ZNF541: variants seen among roughly 807,000 people sequenced by gnomAD.
ZNF541 encodes zinc finger protein 541.
ZNF541 carries 23 observed loss-of-function variants against 123.5 expected under a neutral mutation model. That is an observed-to-expected ratio of 0.19 (90% CI 0.13 to 0.26). The LOEUF is 0.26. Among genes scored for constraint, ZNF541 ranks in the 10% least tolerant of loss-of-function variants. ZNF541 has a pLI of 1.00. For missense variants in ZNF541, 1,612 were observed against 1,789.9 expected (o/e 0.90, Z 1.79); for synonymous variants, 751 against 754.5 (o/e 1.00, Z 0.08).
At chr19:47,527,718 A>T in intron 14 of ZNF541, among the ~76,000 whole-genome samples, 1 of 141,728 alleles carries the variant, frequency 7.1e-6, no homozygotes. Context: ...TCTTTTTTTG[A>T]GACGGAGTTT....
chr19:47,553,537 T>C (rs1295022725), intron 3 of ZNF541, among the ~76,000 whole-genome samples: 1 of 151,618 alleles, frequency 6.6e-6, no homozygotes. Context: ...GCCTCCCAAG[T>C]AGCTGGGATT....
chr19:47,530,412 G>A (rs937535126), intron 12 of ZNF541, among the ~76,000 whole-genome samples: 3 of 148,040 alleles, frequency 2.0e-5, no homozygotes, highest in East Asian at 2.0e-4. Flanking sequence ...TCGAACTCAC[G>A]ACCTCAGGTG....
At chr19:47,568,517 T>C (rs1414116120) in intron 2 of ZNF541, among the ~76,000 whole-genome samples, 1 of 152,054 alleles carries the variant, frequency 6.6e-6, no homozygotes, top group Non-Finnish European at 1.5e-5. Flanking sequence ...CTAATTTTTG[T>C]ATTTTTAATA....
chr19:47,531,738 C>A lies in ZNF541; in HGVS notation c.3309G>T (p.Glu1103Asp). The change falls in exon 12 of 17, where the codon GAG (glutamate) becomes GAT (aspartate). Residue 1103 changes from glutamate to aspartate, a missense_variant. This residue lies in a region of ZNF541 where 285 missense variants were observed against 407.3 expected (regional missense o/e 0.70). Coordinates refer to ENST00000391901, the MANE Select transcript of ZNF541 (RefSeq NM_001277075.3). ...ISSETQDRVT[E>D]LCNVACSSVM... ...CGCTGGAGCATGCCACATTGCAGAG[C>A]TCGGTCACTGTTTCCAAGAAGGACA... is the stretch of plus-strand genomic sequence containing the variant. 2 of 1,543,280 alleles carry A rather than the reference C, an allele frequency of 1.3e-6. No individual in the cohort carries two copies. The highest frequency in any genetic ancestry group is 1.8e-6 in the Non-Finnish European group (2 of 1,140,658).
rs149749184 is a variant in ZNF541, at chr19:47,567,073, A to T, written c.-99+4823T>A. Among the ~76,000 whole-genome samples, 1,078 of 151,824 alleles carry T rather than the reference A, an allele frequency of 7.1e-3. 18 individuals carry two copies. The highest frequency in any genetic ancestry group is 0.025 in the African/African-American group (1,031 of 41,454). On this transcript the variant is annotated intron_variant, in intron 2 of 16. Transcript: ENST00000391901. ...CTCAAAAATAAATAAATAAATAAAT[A>T]AAATAAAATAAATAATAGAAAAATA...
chr19:47,537,446 C>T (rs1308801512), intron 9 of ZNF541, among the ~76,000 whole-genome samples: 1 of 151,638 alleles, frequency 6.6e-6, no homozygotes, highest in African/African-American at 2.4e-5. Context: ...CGCCTGTAGT[C>T]CCAGCTACTT....
At chr19:47,560,144 C>A (rs368365455) in intron 2 of ZNF541, among the ~76,000 whole-genome samples, 1 of 152,042 alleles carries the variant, frequency 6.6e-6, no homozygotes, top group South Asian at 2.1e-4. Flanking sequence ...ACAGACAGGG[C>A]GTTTGTTGCA....
At chr19:47,529,905 G>A (rs1969484602) in intron 12 of ZNF541, among the ~76,000 whole-genome samples, 1 of 152,208 alleles carries the variant, frequency 6.6e-6, no homozygotes, top group Admixed American at 6.5e-5. Flanking sequence ...GAAGGAGACT[G>A]TGTGTGGATT....
intron 4 of ZNF541, 124 bp downstream of exon 4, chr19:47,549,121 C>A: frequency 7.4e-7 from 1 of 1,359,728 alleles, no homozygotes; most frequent in Non-Finnish European, 9.9e-7. Context: ...AGGTAATACA[C>A]GTCTGGAAAA....
chr19:47,532,822 A>G, intron 10 of ZNF541, 87 bp downstream of exon 10: 1 of 1,363,260 alleles, frequency 7.3e-7, no homozygotes, highest in Non-Finnish European at 1.0e-6. Context: ...CCTGAACCCC[A>G]CCATGGGAAG....
At chr19:47,527,509 C>A (rs138245373) in intron 14 of ZNF541, among the ~76,000 whole-genome samples, 2 of 151,390 alleles carry the variant, frequency 1.3e-5, no homozygotes, top group Admixed American at 6.6e-5. Flanking sequence ...AATCCTCCCA[C>A]CTCAGCCTCC....
At chr19:47,547,361 T>G (rs530654587) in intron 4 of ZNF541, among the ~76,000 whole-genome samples, 3 of 152,262 alleles carry the variant, frequency 2.0e-5, no homozygotes, top group Admixed American at 6.5e-5. Context: ...CAGAAATGCA[T>G]GTAAATATGT....
In ZNF541 at chr19:47,548,951, C is replaced by T. The variant is rs762331243; in HGVS notation, c.548+294G>A. Among the ~76,000 whole-genome samples, 179 of 151,734 alleles carry T rather than the reference C, an allele frequency of 1.2e-3. 2 individuals carry two copies. The highest frequency in any genetic ancestry group is 5.5e-3 in the Admixed American group (83 of 15,186). On this transcript the variant is annotated intron_variant, in intron 4 of 16. Coordinates refer to ENST00000391901, the MANE Select transcript of ZNF541 (RefSeq NM_001277075.3). ...AAAATTAGCTGGGTGTGGTGGCGGGCGCTTGTAATCCTAGCTACTCAGGAG... is the reference window on the plus strand; with the variant it reads ...AAAATTAGCTGGGTGTGGTGGCGGGTGCTTGTAATCCTAGCTACTCAGGAG...
chr19:47,558,745 A>G (rs62128698), intron 2 of ZNF541, among the ~76,000 whole-genome samples: 5 of 148,854 alleles, frequency 3.4e-5, no homozygotes, highest in African/African-American at 4.9e-5. Context: ...ACGCCCAGCT[A>G]ATTTTTTTTT....
chr19:47,539,275 G>C lies in ZNF541; in HGVS notation c.2796+430C>G, dbSNP rs535055267. Among the ~76,000 whole-genome samples the C allele has an allele frequency of 4.1e-4, 62 of 151,786 alleles. 1 individual carries two copies. Among genetic ancestry groups the C allele is most frequent in the African/African-American group, 1.4e-3 (60 of 41,414 alleles). ...AATGACTGAATTAACATGCAAACCA[G>C]GTTCTTCTGGATCAAGATTTTCTTT... On this transcript the variant is annotated intron_variant, in intron 8 of 16. Coordinates refer to ENST00000391901, the MANE Select transcript of ZNF541 (RefSeq NM_001277075.3).
Position 47,545,944 on chromosome 19 carries a change from G to C in ZNF541, c.585C>G (p.Pro195=). The part of the protein sequence containing the change: ...GHMLTHQKTK[P]FVCIEQGCSK... ...TGCAGCCCTGCTCGATGCACACGAA[G>C]GGCTTTGTCTTCTGGTGGGTGAGCA... The change falls in exon 5 of 17, where the codon CCC becomes CCG. Residue 195 remains proline (P), a synonymous_variant. Transcript: ENST00000391901. The surrounding 1 kb of genome is among the most constrained non-coding windows in gnomAD (Gnocchi z 7.5). 1 of 1,508,418 alleles carries C rather than the reference G, an allele frequency of 6.6e-7. No individual in the cohort carries two copies. The highest frequency in any genetic ancestry group is 1.3e-5 in the South Asian group (1 of 78,542). 93.4% of individuals were successfully genotyped at this position (1,508,418 alleles called of 1,614,324 possible).
intron 2 of ZNF541, among the ~76,000 whole-genome samples, chr19:47,557,438 G>T (rs1435329664): frequency 6.6e-6 from 1 of 152,158 alleles, no homozygotes; most frequent in African/African-American, 2.4e-5. Flanking sequence ...CAATTACCCT[G>T]ATGGCAAACT....
chr19:47,561,673 C>T (rs991712697), intron 2 of ZNF541, among the ~76,000 whole-genome samples: 1 of 151,778 alleles, frequency 6.6e-6, no homozygotes, highest in Non-Finnish European at 1.5e-5. Flanking sequence ...AGCAGTGCCC[C>T]GCTGCAACTA....
rs1297097795 is a variant in ZNF541, at chr19:47,521,844, G to C, written c.3711+10C>G. The C allele has an allele frequency of 1.3e-6, 2 of 1,551,164 alleles. No individual in the cohort carries two copies. Among genetic ancestry groups the C allele is most frequent in the African/African-American group, 1.4e-5 (1 of 73,048 alleles). On this transcript the variant is annotated intron_variant, in intron 15 of 16. Transcript: ENST00000391901. This position sits in a 1 kb window ranked among gnomAD's most constrained non-coding sequence, Gnocchi z 4.2. Reference sequence around the variant, plus strand: ...GAGAAGAGCTCCCGACACAGCCCTGGTTCCTCTACCTTTTCCTCTGTCCTT... The same window carrying C: ...GAGAAGAGCTCCCGACACAGCCCTGCTTCCTCTACCTTTTCCTCTGTCCTT...
Sources: allele counts gnomAD v4.1 joint callset (sites outside exome capture counted in the v4.1 genomes callset), GRCh38; gene constraint gnomAD v4.1.1; regional missense constraint gnomAD v4.1.1; non-coding constraint Gnocchi (gnomAD v3.1); transcripts MANE v1.5; gene names NCBI Gene and HGNC (gene_info 2026-07-23, HGNC 2026-07-21).